The following CADPS2 variants were observed in gnomAD, a reference collection of about 807,000 sequenced individuals.
CADPS2 encodes the protein calcium-dependent secretion activator 2.
A neutral mutation model predicts 172.5 loss-of-function variants in CADPS2; 93 were observed. That is an observed-to-expected ratio of 0.54 (90% CI 0.46 to 0.64). The LOEUF (loss-of-function observed/expected upper bound fraction) is 0.64. CADPS2 is among the 30% of genes least tolerant of loss of function. The pLI, the probability that CADPS2 is intolerant of heterozygous loss-of-function variation, is 0.00. For synonymous variants in CADPS2, 546 were observed against 555.2 expected, an observed-to-expected ratio of 0.98 and a Z score of 0.23; for missense variants, 1,420 against 1,565.9, an observed-to-expected ratio of 0.91 and a Z score of 1.57.
chr7:122,346,283 G>A (rs1198239816), intron 27 of CADPS2, among the ~76,000 whole-genome samples: 1 of 152,118 alleles, frequency 6.6e-6, no homozygotes, highest in Non-Finnish European at 1.5e-5. Context: ...CAGGAGAATT[G>A]CTTGAGCATG....
chr7:122,452,371 G>C (rs6978984), intron 14 of CADPS2, among the ~76,000 whole-genome samples: 52,802 of 151,966 alleles, frequency 0.35, 9,404 homozygotes, highest in African/African-American at 0.42. Context: ...TAATTAACAA[G>C]AATCATTTCC....
intron 15 of CADPS2, among the ~76,000 whole-genome samples, chr7:122,448,248 C>T (rs2052563972): frequency 6.6e-6 from 1 of 152,094 alleles, no homozygotes; most frequent in African/African-American, 2.4e-5. Context: ...TTTTTTAATC[C>T]TTAAGTTTCT....
chr7:122,702,731 G>T (rs745730099), intron 2 of CADPS2: 2 of 1,605,720 alleles, frequency 1.2e-6, no homozygotes, highest in Admixed American at 1.7e-5. Context: ...CGTCGAAGGG[G>T]TAATTCTAAG....
intron 1 of CADPS2, among the ~76,000 whole-genome samples, chr7:122,766,363 A>C (rs1479141137): frequency 6.6e-6 from 1 of 152,188 alleles, no homozygotes; most frequent in Non-Finnish European, 1.5e-5. Context: ...TATTTGAACC[A>C]TAGTCACATA....
intron 20 of CADPS2, among the ~76,000 whole-genome samples, chr7:122,402,208 C>T (rs752837938): frequency 2.0e-5 from 3 of 152,014 alleles, no homozygotes; most frequent in African/African-American, 4.8e-5. Flanking sequence ...CCTCTGCCCC[C>T]GACAACACAA....
chr7:122,591,500 T>C (rs905747414), intron 6 of CADPS2, among the ~76,000 whole-genome samples: 6 of 152,058 alleles, frequency 3.9e-5, no homozygotes, highest in Non-Finnish European at 5.9e-5. Flanking sequence ...AAAGTTCATA[T>C]TGAACCAAAA....
intron 1 of CADPS2, among the ~76,000 whole-genome samples, chr7:122,854,659 G>A (rs1208369316): frequency 6.6e-6 from 1 of 152,198 alleles, no homozygotes; most frequent in Non-Finnish European, 1.5e-5. Flanking sequence ...TATTGTTGCA[G>A]GTAAGTAATA....
intron 12 of CADPS2, among the ~76,000 whole-genome samples, chr7:122,478,937 TA>T (rs1489459390): frequency 2.0e-5 from 3 of 152,208 alleles, no homozygotes; most frequent in African/African-American, 4.8e-5. Flanking sequence ...TAAAGTATAA[TA>T]AAAATATATA....
At chr7:122,642,961 T>C (rs993291266) in intron 3 of CADPS2, among the ~76,000 whole-genome samples, 1 of 152,216 alleles carries the variant, frequency 6.6e-6, no homozygotes, top group Non-Finnish European at 1.5e-5. Context: ...TTATCCTTTA[T>C]TGTGAAAATA....
intron 2 of CADPS2, chr7:122,702,129 C>T: frequency 6.2e-7 from 1 of 1,613,668 alleles, no homozygotes; most frequent in Non-Finnish European, 8.5e-7. Context: ...CAGACGCAAT[C>T]TAAGTAAAAG....
intron 28 of CADPS2, among the ~76,000 whole-genome samples, chr7:122,332,511 G>A (rs1381047664): frequency 1.3e-5 from 2 of 150,094 alleles, no homozygotes; most frequent in Non-Finnish European, 3.0e-5. Context: ...CAGGCAGTTT[G>A]TAAATTAAGA....
intron 1 of CADPS2, among the ~76,000 whole-genome samples, chr7:122,762,571 T>A (rs1460851274): frequency 6.6e-6 from 1 of 152,154 alleles, no homozygotes; most frequent in Non-Finnish European, 1.5e-5. Flanking sequence ...AGTTAAACTA[T>A]CAGTTGAGTT....
At chr7:122,420,101 T>C (rs1474447239) in intron 17 of CADPS2, among the ~76,000 whole-genome samples, 1 of 152,164 alleles carries the variant, frequency 6.6e-6, no homozygotes, top group Non-Finnish European at 1.5e-5. Context: ...ATTAAAATCT[T>C]ACCTCTGATG....
intron 8 of CADPS2, among the ~76,000 whole-genome samples, chr7:122,552,531 C>A (rs1248499936): frequency 6.6e-6 from 1 of 152,014 alleles, no homozygotes; most frequent in African/African-American, 2.4e-5. Flanking sequence ...TAAAAACATA[C>A]CCTACCCCCA....
intron 4 of CADPS2, among the ~76,000 whole-genome samples, chr7:122,625,639 A>G (rs769952217): frequency 4.6e-5 from 7 of 152,056 alleles, no homozygotes; most frequent in Admixed American, 1.3e-4. Flanking sequence ...TACAGATTTC[A>G]GACTTAAGAC....
chr7:122,660,374 GT>G (rs1446348884), intron 3 of CADPS2, among the ~76,000 whole-genome samples: 2 of 151,752 alleles, frequency 1.3e-5, no homozygotes, highest in East Asian at 1.9e-4. Context: ...ATTTTGTTTC[GT>G]TTTTTAAAAA....
intron 9 of CADPS2, among the ~76,000 whole-genome samples, chr7:122,503,830 C>T (rs2059407098): frequency 6.6e-6 from 1 of 152,122 alleles, no homozygotes; most frequent in South Asian, 2.1e-4. Flanking sequence ...AAAAAGCCAT[C>T]TCATAGAGTG....
Position 122,592,645 on chromosome 7 carries a change from T to G in CADPS2, c.1224-11355A>C, listed in dbSNP as rs985107135. 6.6e-5 allele frequency among the ~76,000 whole-genome samples: 10 copies of G among 152,118 alleles called. 1 individual carries two copies. The highest frequency in any genetic ancestry group is 3.3e-4 in the Admixed American group (5 of 15,270). On this transcript the variant is annotated intron_variant, in intron 6 of 29. Transcript: ENST00000449022. ...AAATGTGGCAATATACACCATGGAA[T>G]ACTATGCAGCCATAAAAAAGGATGA...
At chr7:122,585,573 G>T (rs909719574) in intron 6 of CADPS2, 1 of 151,094 alleles carries the variant, frequency 6.6e-6, no homozygotes, top group African/African-American at 2.4e-5. Flanking sequence ...AAACCCTGTC[G>T]GTAATTAATA....
Sources: allele counts gnomAD v4.1 joint callset (sites outside exome capture counted in the v4.1 genomes callset), GRCh38; gene constraint gnomAD v4.1.1; transcripts MANE v1.5; gene names NCBI Gene and HGNC (gene_info 2026-07-23, HGNC 2026-07-21).